The following GTPBP4 variants were observed in gnomAD, a reference collection of about 807,000 sequenced individuals.
GTPBP4 encodes GTP binding protein 4.
In GTPBP4, 15 loss-of-function variants were observed where a neutral mutation model predicts 81.7. The observed-to-expected ratio is 0.18, with a 90% confidence interval of 0.12 to 0.28. The LOEUF (loss-of-function observed/expected upper bound fraction) is 0.28. Ranked by LOEUF, GTPBP4 falls within the 10% of genes least tolerant of loss-of-function variation. The probability of loss-of-function intolerance (pLI) is 1.00; values close to 1 mark genes in which losing one functional copy is unlikely to be tolerated. For missense variants in GTPBP4, 847 were observed against 793.8 expected (o/e 1.07, Z -0.81); for synonymous variants, 272 against 274.6 (o/e 0.99, Z 0.09).
chr10:1,014,404 C>G (rs189312489), intron 15 of GTPBP4, 92 bp downstream of exon 15: 6 of 911,410 alleles, frequency 6.6e-6, no homozygotes. Flanking sequence ...TGCCTGTAAT[C>G]CCAGCACTTT....
In GTPBP4 at chr10:1,015,725, G is replaced by A. The variant is rs116016068; in HGVS notation, c.1609-28G>A. 2.6e-4 allele frequency: 411 copies of A among 1,588,440 alleles called. 33 individuals carry two copies. In the African/African-American group the frequency reaches 5.2e-3, roughly 20 times the overall value. ...TGGGAGTGGACCTGGGGTCCTGAGC[G>A]CTGAGCATTGCTTCCCCTGCTTTGC... On this transcript the variant is annotated intron_variant, in intron 15 of 16. Transcript: ENST00000360803.
Position 1,010,302 on chromosome 10 carries a change from G to C in GTPBP4, c.1244-118G>C, listed in dbSNP as rs150262732. The C allele has an allele frequency of 2.4e-3, 1,576 of 648,472 alleles. 3 individuals are homozygous for C. Among genetic ancestry groups the C allele is most frequent in the Non-Finnish European group, 3.3e-3 (1,205 of 359,942 alleles). 40.2% of individuals were successfully genotyped at this position (648,472 alleles called of 1,614,324 possible). ...GCTGCTGCATGTGGAATTGCACGTC[G>C]TGCTCTCTTCTGCAGTGGAGTCGTT... On this transcript the variant is annotated intron_variant, in intron 12 of 16. Transcript: ENST00000360803.
At chr10:1,016,905 G>T (rs1027393355) in intron 16 of GTPBP4, among the ~76,000 whole-genome samples, 170 bp from the exon 17 acceptor site, 2 of 152,060 alleles carry the variant, frequency 1.3e-5, no homozygotes, top group African/African-American at 4.8e-5. Context: ...TAAGAGAAAA[G>T]AGATGTAACA....
chr10:1,013,275 C>T (rs914483276), intron 14 of GTPBP4, among the ~76,000 whole-genome samples: 4 of 151,764 alleles, frequency 2.6e-5, no homozygotes, highest in East Asian at 2.0e-4. Flanking sequence ...TGAGCCACCA[C>T]GCCCGGCTGG....
In GTPBP4 at chr10:988,487, A is replaced by G. The variant is rs201985705; in HGVS notation, c.8A>G (p.His3Arg). MA[H>R]YNFKKITVVP... Reference sequence around the variant, plus strand: ...GTGCATACGGCTGCCGGCATGGCACATTACAACTTCAAGAAAATTACGGTG... The same window carrying G: ...GTGCATACGGCTGCCGGCATGGCACGTTACAACTTCAAGAAAATTACGGTG... Residue 3 changes from histidine (H) to arginine (R), a missense_variant, in exon 1 of 17, where the codon CAT (histidine) becomes CGT (arginine). His to Arg is a conservative substitution (Grantham distance 29, BLOSUM62 0). This residue lies in a region of GTPBP4 where 241 missense variants were observed against 216.3 expected (regional missense o/e 1.11). Transcript: ENST00000360803. 2.5e-6 allele frequency: 4 copies of G among 1,613,378 alleles called. No homozygotes were observed. Among genetic ancestry groups the G allele is most frequent in the East Asian group, 4.5e-5 (2 of 44,860 alleles).
At chr10:1,005,957 G>A (rs754565396) in intron 9 of GTPBP4, 50 bp downstream of exon 9, 3 of 909,592 alleles carry the variant, frequency 3.3e-6, no homozygotes, top group East Asian at 5.0e-5. Context: ...TCTCTTGTTT[G>A]ATTCAAGTCA....
At position 1,017,306 on chromosome 10, in the gene GTPBP4, G is replaced by T; in HGVS notation, c.*79G>T. ...TGGCACAGTATGGTTTCATGAAATT[G>T]GAGCTCTGTATAAACTGAAAAAGAC... On this transcript the variant is annotated 3_prime_UTR_variant, in exon 17 of 17. Coordinates refer to ENST00000360803, the MANE Select transcript of GTPBP4 (RefSeq NM_012341.3). 7.7e-7 allele frequency: 1 copy of T among 1,306,028 alleles called. No homozygotes were observed. The highest frequency in any genetic ancestry group is 1.3e-5 in the South Asian group (1 of 74,972). 80.9% of individuals were successfully genotyped at this position (1,306,028 alleles called of 1,614,324 possible).
intron 6 of GTPBP4, among the ~76,000 whole-genome samples, chr10:999,880 A>G (rs1328502386): frequency 2.0e-5 from 3 of 152,016 alleles, no homozygotes; most frequent in Admixed American, 2.0e-4. Flanking sequence ...AATCGCTTGA[A>G]CCCAGAAGAC....
Position 1,001,919 on chromosome 10 carries a change from T to A in GTPBP4, c.912+906T>A, listed in dbSNP as rs558178158. On this transcript the variant is annotated intron_variant, in intron 8 of 16. Transcript: ENST00000360803. ...TTGGTCTACAGTGCACTTTTTTTTTTATTTTATTTTTGTTTTTTTTTTGAG... is the reference window on the plus strand; with the variant it reads ...TTGGTCTACAGTGCACTTTTTTTTTAATTTTATTTTTGTTTTTTTTTTGAG... 2.9e-4 allele frequency among the ~76,000 whole-genome samples: 41 copies of A among 139,608 alleles called. 1 individual carries two copies. The highest frequency in any genetic ancestry group is 8.6e-4 in the East Asian group (4 of 4,632). The allele number at this position is 139,608 out of a possible 152,430, so 91.6% of individuals were successfully genotyped here. A position where few individuals can be genotyped will look rare whatever the true frequency, so the allele number is the denominator to read the frequency against.
At chr10:1,006,140 C>G (rs1246894641) in intron 9 of GTPBP4, among the ~76,000 whole-genome samples, 1 of 152,236 alleles carries the variant, frequency 6.6e-6, no homozygotes, top group Non-Finnish European at 1.5e-5. Flanking sequence ...TCACCCCAAA[C>G]AACTTTACCC....
At position 1,011,103 on chromosome 10, in the gene GTPBP4, TCC is replaced by T. The variant is rs56206574; in HGVS notation, c.1344+588_1344+589del. ...TCCTGACTGTGCCTCCTGCACCTCT[TCC>T]CCCCACCCCGAGACTCTGGTGGAGA... On this transcript the variant is annotated intron_variant, in intron 13 of 16. Coordinates refer to ENST00000360803, the MANE Select transcript of GTPBP4 (RefSeq NM_012341.3). Among the ~76,000 whole-genome samples, 116 of 50,610 alleles carry T rather than the reference TCC, an allele frequency of 2.3e-3. 3 individuals are homozygous for T. Among genetic ancestry groups the T allele is most frequent in the Admixed American group, 4.5e-3 (21 of 4,702 alleles). 33.2% of individuals were successfully genotyped at this position (50,610 alleles called of 152,430 possible). A position where few individuals can be genotyped will look rare whatever the true frequency, so the allele number is the denominator to read the frequency against.
intron 14 of GTPBP4, among the ~76,000 whole-genome samples, chr10:1,012,901 C>T (rs1383845513): frequency 2.0e-5 from 3 of 152,178 alleles, no homozygotes; most frequent in Non-Finnish European, 2.9e-5. Context: ...AGTCATTTTG[C>T]AGTTGTACAG....
chr10:1,006,706 C>T (rs1831743339), intron 9 of GTPBP4, among the ~76,000 whole-genome samples: 1 of 151,998 alleles, frequency 6.6e-6, no homozygotes, highest in African/African-American at 2.4e-5. Flanking sequence ...ACTCCTGATG[C>T]CATGGTCGCA....
chr10:1,008,392 T>G (rs1191097622), intron 10 of GTPBP4: 1 of 354,820 alleles, frequency 2.8e-6, no homozygotes, highest in East Asian at 7.6e-5. Flanking sequence ...GTGACAAGAG[T>G]GAGACTCTGT....
At chr10:1,013,240 T>A (rs986393721) in intron 14 of GTPBP4, among the ~76,000 whole-genome samples, 1 of 151,940 alleles carries the variant, frequency 6.6e-6, no homozygotes, top group Non-Finnish European at 1.5e-5. Flanking sequence ...TGCCTTGGCC[T>A]CCCAAAGTGC....
intron 16 of GTPBP4, among the ~76,000 whole-genome samples, 167 bp from the exon 17 acceptor site, chr10:1,016,908 A>G (rs951781274): frequency 6.6e-6 from 1 of 152,182 alleles, no homozygotes; most frequent in African/African-American, 2.4e-5. Context: ...GAGAAAAGAG[A>G]TGTAACAGGG....
chr10:1,016,585 GACCTGAGGAAAACAGGTTC>G (rs1175165771), intron 16 of GTPBP4, among the ~76,000 whole-genome samples: 1 of 152,220 alleles, frequency 6.6e-6, no homozygotes, highest in African/African-American at 2.4e-5. Flanking sequence ...TTGTCAGTCA[GACCTGAGGAAAACAGGTTC>G]ATGGGCCTGA....
At chr10:993,835 C>T (rs531787764) in intron 2 of GTPBP4, among the ~76,000 whole-genome samples, 2 of 151,928 alleles carry the variant, frequency 1.3e-5, no homozygotes, top group African/African-American at 4.8e-5. Context: ...TCTCAGCTCC[C>T]TGCAACCTCC....
At chr10:1,010,194 T>TTGATGCTGCTGCA in intron 12 of GTPBP4, among the ~76,000 whole-genome samples, 1 of 82,046 alleles carries the variant, frequency 1.2e-5, no homozygotes, top group East Asian at 5.7e-4. Context: ...GGCTGATGTG[T>TTGATGCTGCTGCA]TGTTTCCTGT....
Sources: allele counts gnomAD v4.1 joint callset (sites outside exome capture counted in the v4.1 genomes callset), GRCh38; gene constraint gnomAD v4.1.1; regional missense constraint gnomAD v4.1.1; transcripts MANE v1.5; gene names NCBI Gene and HGNC (gene_info 2026-07-23, HGNC 2026-07-21).